Variants in ZNF865 observed in about 807,000 individuals in gnomAD.
ZNF865 encodes the protein zinc finger protein 865.
For missense variants in ZNF865, 1,311 were observed against 1,593.4 expected (o/e 0.82, Z 3.02); for synonymous variants, 763 against 750.8 (o/e 1.02, Z -0.27).
intron 1 of ZNF865, among the ~76,000 whole-genome samples, chr19:55,606,046 C>T (rs111763669): frequency 2.0e-4 from 31 of 152,278 alleles, no homozygotes; most frequent in African/African-American, 6.5e-4. Flanking sequence ...TCATTGCTTC[C>T]TCCAGGTCAG....
chr19:55,611,972 C>T lies in ZNF865; in HGVS notation c.-26-1621C>T, dbSNP rs1981152738. Among the ~76,000 whole-genome samples the T allele has an allele frequency of 6.6e-6, 1 of 151,966 alleles. No homozygotes were observed. The highest frequency in any genetic ancestry group is 2.1e-4 in the South Asian group (1 of 4,822). On this transcript the variant is annotated intron_variant, in intron 1 of 1. Coordinates refer to ENST00000568956, the MANE Select transcript of ZNF865 (RefSeq NM_001195605.2). The surrounding 1 kb of genome is among the most constrained non-coding windows in gnomAD (Gnocchi z 4.5). ...GTAAAGGAGGTGCCAGAGAATGATGCCGGGGGTGGAGGGTCAGGAGAAGCC... is the reference window on the plus strand; with the variant it reads ...GTAAAGGAGGTGCCAGAGAATGATGTCGGGGGTGGAGGGTCAGGAGAAGCC...
chr19:55,614,551 G>C lies in ZNF865; in HGVS notation c.933G>C (p.Thr311=). 1 of 1,431,776 alleles carries C rather than the reference G, an allele frequency of 7.0e-7. No individual in the cohort carries two copies. 88.7% of individuals were successfully genotyped at this position (1,431,776 alleles called of 1,614,324 possible). Reference sequence around the variant, plus strand: ...CCGCCACCGCCGCCGCCCCCTCCACGGTGTCCTCGGGCCCTCCAGCCACGC... The same window carrying C: ...CCGCCACCGCCGCCGCCCCCTCCACCGTGTCCTCGGGCCCTCCAGCCACGC... The part of the protein sequence containing the change: ...ASAATAAAPS[T]VSSGPPATPV... The change falls in exon 2 of 2, where the codon ACG becomes ACC. Residue 311 remains threonine, a synonymous_variant. Transcript: ENST00000568956. This position sits in a 1 kb window ranked among gnomAD's most constrained non-coding sequence, Gnocchi z 8.0.
Position 55,614,256 on chromosome 19 carries a change from T to G in ZNF865, c.638T>G (p.Phe213Cys). 6.6e-7 allele frequency: 1 copy of G among 1,515,414 alleles called. No individual in the cohort carries two copies. The highest frequency in any genetic ancestry group is 8.8e-7 in the Non-Finnish European group (1 of 1,137,348). 93.9% of individuals were successfully genotyped at this position (1,515,414 alleles called of 1,614,324 possible). A position where few individuals can be genotyped will look rare whatever the true frequency, so the allele number is the denominator to read the frequency against. Residue 213 changes from phenylalanine (F) to cysteine (C), a missense_variant, in exon 2 of 2, where the codon TTC becomes TGC. Coordinates refer to ENST00000568956, the MANE Select transcript of ZNF865 (RefSeq NM_001195605.2). This position sits in a 1 kb window ranked among gnomAD's most constrained non-coding sequence, Gnocchi z 8.0. ...CDPTKDDKGY[F>C]RRLKYLMERR... is the part of the protein sequence containing the mutation. ...CCCACCAAGGACGACAAGGGCTACT[T>G]CCGGAGACTGAAGTACCTGATGGAG... is the stretch of plus-strand genomic sequence containing the variant.
Position 55,613,832 on chromosome 19 carries a change from C to T in ZNF865, c.214C>T (p.Pro72Ser). The change falls in exon 2 of 2, where the codon CCC becomes TCC. Residue 72 changes from proline (P) to serine (S), a missense_variant. Transcript: ENST00000568956. ...CCCCCCGCCGCAGCCCCCGCCGCAG[C>T]CCCCTCCCCCGCAGTATGACTACCC... is the stretch of plus-strand genomic sequence containing the variant. Reference protein sequence around the residue: ...PGPPPQPPPQPPPPQYDYPPQ... With the variant: ...PGPPPQPPPQSPPPQYDYPPQ... 1.3e-6 allele frequency: 2 copies of T among 1,491,206 alleles called. No individual in the cohort carries two copies. Among genetic ancestry groups the T allele is most frequent in the South Asian group, 1.2e-5 (1 of 80,262 alleles). The allele number at this position is 1,491,206 out of a possible 1,614,324, so 92.4% of individuals were successfully genotyped here.
In ZNF865 at chr19:55,613,920, C is replaced by T. The variant is rs1221686491; in HGVS notation, c.302C>T (p.Ser101Phe). 2.6e-6 allele frequency: 4 copies of T among 1,527,778 alleles called. No individual in the cohort carries two copies. In the South Asian group the frequency reaches 3.6e-5, roughly 14 times the overall value. 94.6% of individuals were successfully genotyped at this position (1,527,778 alleles called of 1,614,324 possible). ...VPSSSSSSSS[S>F]SSSSSSSSSS... ...TCCTCGTCCTCGTCCTCGTCCTCCT[C>T]CTCCTCCTCTTCGTCCTCCTCGTCG... The change falls in exon 2 of 2, where the codon TCC (serine) becomes TTC (phenylalanine). Residue 101 changes from serine to phenylalanine, a missense_variant. By Grantham distance (155) the Ser-to-Phe change is radical (BLOSUM62 -2). Transcript: ENST00000568956.
chr19:55,615,602 G>C lies in ZNF865; in HGVS notation c.1984G>C (p.Gly662Arg). 6.5e-7 allele frequency: 1 copy of C among 1,533,312 alleles called. No homozygotes were observed. Among genetic ancestry groups the C allele is most frequent in the Non-Finnish European group, 8.7e-7 (1 of 1,145,814 alleles). 95.0% of individuals were successfully genotyped at this position (1,533,312 alleles called of 1,614,324 possible). A position where few individuals can be genotyped will look rare whatever the true frequency, so the allele number is the denominator to read the frequency against. Residue 662 changes from glycine (G) to arginine (R), a missense_variant, in exon 2 of 2, where the codon GGG becomes CGG. Coordinates refer to ENST00000568956, the MANE Select transcript of ZNF865 (RefSeq NM_001195605.2). The stretch of plus-strand genomic sequence containing the variant: ...GCCCGGGGCCTCGGGCACGTCTGCA[G>C]GGCCCACCGATGGGCTGAGCTACGC... ...CGPGASGTSA[G>R]PTDGLSYACS...
intron 1 of ZNF865, among the ~76,000 whole-genome samples, chr19:55,608,073 C>T (rs1981004088): frequency 6.6e-6 from 1 of 152,072 alleles, no homozygotes; most frequent in South Asian, 2.1e-4. Flanking sequence ...AGAAATGAAG[C>T]AGGGTTAGGG....
chr19:55,610,729 A>G (rs767056496), intron 1 of ZNF865, among the ~76,000 whole-genome samples: 1 of 152,196 alleles, frequency 6.6e-6, no homozygotes, highest in Non-Finnish European at 1.5e-5. Context: ...TTGCTTTCCT[A>G]GAGAGGGGCC....
Position 55,611,095 on chromosome 19 carries a change from G to C in ZNF865, c.-26-2498G>C, listed in dbSNP as rs1203047827. Among the ~76,000 whole-genome samples the C allele has an allele frequency of 2.0e-5, 3 of 152,154 alleles. No homozygotes were observed. The highest frequency in any genetic ancestry group is 1.3e-4 in the Admixed American group (2 of 15,262). Reference sequence around the variant, plus strand: ...GGTGGGAATGGGGTTCAAGCCCATTGATCCAGACTCCTACTCCGTGACCAT... The same window carrying C: ...GGTGGGAATGGGGTTCAAGCCCATTCATCCAGACTCCTACTCCGTGACCAT... On this transcript the variant is annotated intron_variant, in intron 1 of 1. Coordinates refer to ENST00000568956, the MANE Select transcript of ZNF865 (RefSeq NM_001195605.2). The surrounding 1 kb of genome is among the most constrained non-coding windows in gnomAD (Gnocchi z 4.5).
In ZNF865 at chr19:55,616,819, T is replaced by G. The variant is rs1370282846; in HGVS notation, c.*21T>G. 3 of 1,434,260 alleles carry G rather than the reference T, an allele frequency of 2.1e-6. No homozygotes were observed. In the African/African-American group the frequency reaches 4.3e-5, roughly 21 times the overall value. 88.8% of individuals were successfully genotyped at this position (1,434,260 alleles called of 1,614,324 possible). ...CCTGACCGAGGGGTTCCCATCCCAC[T>G]CCCATCAAAAGCCCCCTTCTGGACT... On this transcript the variant is annotated 3_prime_UTR_variant, in exon 2 of 2. Coordinates refer to ENST00000568956, the MANE Select transcript of ZNF865 (RefSeq NM_001195605.2).
intron 1 of ZNF865, among the ~76,000 whole-genome samples, chr19:55,607,351 G>A (rs1368836516): frequency 2.0e-5 from 3 of 151,004 alleles, no homozygotes; most frequent in Non-Finnish European, 2.9e-5. Flanking sequence ...TGTAATCCCA[G>A]CAGTTGGGAA....
chr19:55,608,828 A>G (rs1473512096), intron 1 of ZNF865, among the ~76,000 whole-genome samples: 2 of 152,198 alleles, frequency 1.3e-5, no homozygotes, highest in Admixed American at 1.3e-4. Context: ...GGTCAAGCCA[A>G]GAGACTTGGG....
In ZNF865 at chr19:55,616,646, G is replaced by C; in HGVS notation, c.3028G>C (p.Ala1010Pro). Reference protein sequence around the residue: ...DPGYFRKHLAAHQGGRPFRCS... With the variant: ...DPGYFRKHLAPHQGGRPFRCS... The stretch of plus-strand genomic sequence containing the variant: ...CGGCTACTTCCGTAAGCACCTGGCT[G>C]CCCACCAGGGCGGCCGGCCCTTCCG... The change falls in exon 2 of 2, where the codon GCC (alanine) becomes CCC (proline). Residue 1010 changes from alanine (A) to proline (P), a missense_variant. Physicochemically the swap from Ala to Pro is conservative, Grantham distance 27 (BLOSUM62 -1). Coordinates refer to ENST00000568956, the MANE Select transcript of ZNF865 (RefSeq NM_001195605.2). 1 of 1,528,418 alleles carries C rather than the reference G, an allele frequency of 6.5e-7. No individual in the cohort carries two copies. The highest frequency in any genetic ancestry group is 8.7e-7 in the Non-Finnish European group (1 of 1,143,172). 94.7% of individuals were successfully genotyped at this position (1,528,418 alleles called of 1,614,324 possible).
intron 1 of ZNF865, among the ~76,000 whole-genome samples, chr19:55,607,572 A>T (rs1164302997): frequency 2.0e-5 from 3 of 152,112 alleles, no homozygotes; most frequent in African/African-American, 7.2e-5. Flanking sequence ...AATAAAAACA[A>T]AAACCAAGAG....
At position 55,616,698 on chromosome 19, in the gene ZNF865, C is replaced by T; in HGVS notation, c.3080C>T (p.Ala1027Val). ...FRCSSCGEGFANTYGLKKHRL... is the reference protein window; with the variant it reads ...FRCSSCGEGFVNTYGLKKHRL... ...TGCTCCTCCTGCGGCGAGGGCTTCG[C>T]CAACACCTACGGCCTCAAGAAACAC... The change falls in exon 2 of 2, where the codon GCC becomes GTC. Residue 1027 changes from alanine to valine, a missense_variant. Physicochemically the swap from Ala to Val is moderately conservative, Grantham distance 64 (BLOSUM62 0). Transcript: ENST00000568956. The T allele has an allele frequency of 6.5e-7, 1 of 1,529,066 alleles. No homozygotes were observed. Among genetic ancestry groups the T allele is most frequent in the Non-Finnish European group, 8.7e-7 (1 of 1,143,874 alleles). 94.7% of individuals were successfully genotyped at this position (1,529,066 alleles called of 1,614,324 possible).
Position 55,614,529 on chromosome 19 carries a change from C to A in ZNF865, c.911C>A (p.Ala304Asp). 7.4e-7 allele frequency: 1 copy of A among 1,358,722 alleles called. No homozygotes were observed. The highest frequency in any genetic ancestry group is 9.4e-7 in the Non-Finnish European group (1 of 1,063,328). 84.2% of individuals were successfully genotyped at this position (1,358,722 alleles called of 1,614,324 possible). The change falls in exon 2 of 2, where the codon GCC becomes GAC. Residue 304 changes from alanine (A) to aspartate (D), a missense_variant. Physicochemically the swap from Ala to Asp is moderately radical, Grantham distance 126 (BLOSUM62 -2). Coordinates refer to ENST00000568956, the MANE Select transcript of ZNF865 (RefSeq NM_001195605.2). The surrounding 1 kb of genome is among the most constrained non-coding windows in gnomAD (Gnocchi z 8.0). ...LGLPAPAASA[A>D]TAAAPSTVSS... is the part of the protein sequence containing the mutation. ...CTCCCAGCACCCGCTGCCAGCGCCGCCACCGCCGCCGCCCCCTCCACGGTG... is the reference window on the plus strand; with the variant it reads ...CTCCCAGCACCCGCTGCCAGCGCCGACACCGCCGCCGCCCCCTCCACGGTG...
chr19:55,614,614 C>T lies in ZNF865; in HGVS notation c.996C>T (p.Ala332=). The part of the protein sequence containing the change: ...APAPSADGSA[A]PAGVGVPPPA... ...CCCCCTCCGCAGACGGGAGCGCCGC[C>T]CCTGCTGGTGTTGGGGTGCCCCCTC... Residue 332 remains alanine, a synonymous_variant, in exon 2 of 2, where the codon GCC becomes GCT. Transcript: ENST00000568956. This position sits in a 1 kb window ranked among gnomAD's most constrained non-coding sequence, Gnocchi z 8.0. The T allele has an allele frequency of 6.5e-7, 1 of 1,527,644 alleles. No homozygotes were observed. Among genetic ancestry groups the T allele is most frequent in the Non-Finnish European group, 8.7e-7 (1 of 1,142,974 alleles). 94.6% of individuals were successfully genotyped at this position (1,527,644 alleles called of 1,614,324 possible).
intron 1 of ZNF865, among the ~76,000 whole-genome samples, chr19:55,608,460 A>G (rs1041275831): frequency 6.6e-6 from 1 of 151,976 alleles, no homozygotes; most frequent in Admixed American, 6.6e-5. Context: ...GATTACAGGC[A>G]TGTGCCACCA....
rs569257210 is a variant in ZNF865 at position 55,609,179 on chromosome 19, C to T, written c.-27+3447C>T. ...AACTACAGGTGTGCACCACCACACC[C>T]GGCTAATTTTTTTATTTTTAGTAGA... is the stretch of plus-strand genomic sequence containing the variant. On this transcript the variant is annotated intron_variant, in intron 1 of 1. Coordinates refer to ENST00000568956, the MANE Select transcript of ZNF865 (RefSeq NM_001195605.2). 1.5e-3 allele frequency among the ~76,000 whole-genome samples: 222 copies of T among 152,254 alleles called. 1 individual carries two copies. Among genetic ancestry groups the T allele is most frequent in the Admixed American group, 2.4e-3 (37 of 15,288 alleles).
Sources: allele counts gnomAD v4.1 joint callset (sites outside exome capture counted in the v4.1 genomes callset), GRCh38; gene constraint gnomAD v4.1.1; non-coding constraint Gnocchi (gnomAD v3.1); transcripts MANE v1.5; gene names NCBI Gene and HGNC (gene_info 2026-07-23, HGNC 2026-07-21).